Variants in TTLL6 observed in about 807,000 individuals in gnomAD.
The protein encoded by TTLL6 is tubulin polyglutamylase TTLL6.
A neutral mutation model predicts 96.4 loss-of-function variants in TTLL6; 75 were observed. The observed-to-expected ratio is 0.78, with a 90% confidence interval of 0.65 to 0.94. TTLL6 has a LOEUF of 0.94. Ranked by LOEUF, TTLL6 falls within the 40% of genes least tolerant of loss-of-function variation. TTLL6 has a pLI of 0.00. For missense variants in TTLL6, 1,030 were observed against 1,093.0 expected (o/e 0.94, Z 0.81); for synonymous variants, 411 against 419.4 (o/e 0.98, Z 0.24).
intron 8 of TTLL6, chr17:48,794,185 T>C (rs193259948): frequency 9.2e-5 from 149 of 1,613,874 alleles, no homozygotes; most frequent in Admixed American, 4.7e-4. Flanking sequence ...GAACAACACT[T>C]GAAGCCTTGC....
chr17:48,795,270 G>A (rs1044989641), intron 8 of TTLL6, among the ~76,000 whole-genome samples: 2 of 150,534 alleles, frequency 1.3e-5, no homozygotes, highest in Non-Finnish European at 2.9e-5. Context: ...AGGTTGCAGT[G>A]AGCCAAGATC....
At chr17:48,805,057 T>C in intron 1 of TTLL6, 66 bp from the exon 2 acceptor site, 2 of 1,293,508 alleles carry the variant, frequency 1.5e-6, no homozygotes, top group South Asian at 2.5e-5. Context: ...CCTCCCTCGC[T>C]CATGTGGGTA....
intron 11 of TTLL6, 43 bp downstream of exon 11, chr17:48,787,768 C>G: frequency 1.3e-6 from 2 of 1,574,044 alleles, no homozygotes; most frequent in Non-Finnish European, 1.7e-6. Context: ...CACACACAAT[C>G]CCCAGAACCC....
Position 48,801,536 on chromosome 17 carries a change from T to C in TTLL6, c.469A>G (p.Lys157Glu). The change falls in exon 4 of 16, where the codon AAA becomes GAA. Residue 157 changes from lysine (K) to glutamate (E), a missense_variant. Coordinates refer to ENST00000393382, the MANE Select transcript of TTLL6 (RefSeq NM_001130918.3). ...ACTAGCCCAAATACCTGGTAACTTT[T>C]CATTTCCATCACCCGCTCCAGTGAC... is the stretch of plus-strand genomic sequence containing the variant. Reference protein sequence around the residue: ...SVSLERVMEMKSYQKINHFPG... With the variant: ...SVSLERVMEMESYQKINHFPG... 1 of 1,552,024 alleles carries C rather than the reference T, an allele frequency of 6.4e-7. No homozygotes were observed. The highest frequency in any genetic ancestry group is 8.7e-7 in the Non-Finnish European group (1 of 1,147,040).
chr17:48,815,068 G>A (rs2039649853), intron 1 of TTLL6, among the ~76,000 whole-genome samples: 1 of 152,126 alleles, frequency 6.6e-6, no homozygotes, highest in Non-Finnish European at 1.5e-5. Flanking sequence ...ATGAGCCACC[G>A]CGCCCAGCAG....
At chr17:48,771,044 A>G (rs1197809642) in intron 13 of TTLL6, among the ~76,000 whole-genome samples, 3 of 152,318 alleles carry the variant, frequency 2.0e-5, no homozygotes, top group East Asian at 1.9e-4. Flanking sequence ...GACACCCACA[A>G]TCCACATGGT....
chr17:48,808,674 T>G (rs976541244), intron 1 of TTLL6, among the ~76,000 whole-genome samples: 1 of 152,150 alleles, frequency 6.6e-6, no homozygotes, highest in Non-Finnish European at 1.5e-5. Flanking sequence ...GTTCAAGCGA[T>G]TCTCCTGCCT....
chr17:48,786,239 C>T lies in TTLL6; in HGVS notation c.1686G>A (p.Val562=). The T allele has an allele frequency of 6.2e-7, 1 of 1,614,236 alleles. No individual in the cohort carries two copies. Among genetic ancestry groups the T allele is most frequent in the South Asian group, 1.1e-5 (1 of 91,084 alleles). ...EMQGESAGEQ[V]RKKGMRGWQQ... is the part of the protein sequence containing the mutation. ...GCCAGCCCCTCATGCCCTTCTTTCT[C>T]ACTTGCTCGCCTGCCGATTCCCCCT... The change falls in exon 12 of 16, where the codon GTG becomes GTA. Residue 562 remains valine (V), a synonymous_variant. Transcript: ENST00000393382.
chr17:48,762,953 T>C lies in TTLL6; in HGVS notation c.*21A>G. The C allele has an allele frequency of 4.4e-6, 2 of 456,040 alleles. No homozygotes were observed. The highest frequency in any genetic ancestry group is 3.1e-5 in the South Asian group (2 of 64,426). The allele number at this position is 456,040 out of a possible 1,614,324, so 28.2% of individuals were successfully genotyped here. ...AAGTTAAGAGGTAGGAAGGGAAAAG[T>C]GGCAGAGATCCAGTCTGATTCTGGA... On this transcript the variant is annotated 3_prime_UTR_variant, in exon 16 of 16. Coordinates refer to ENST00000393382, the MANE Select transcript of TTLL6 (RefSeq NM_001130918.3).
At position 48,817,228 on chromosome 17, in the gene TTLL6, C is replaced by A. The variant is rs2143521073; in HGVS notation, c.-156G>T. On this transcript the variant is annotated 5_prime_UTR_variant, in exon 1 of 16. Coordinates refer to ENST00000393382, the MANE Select transcript of TTLL6 (RefSeq NM_001130918.3). ...CCGAATCCAATTAACCGCCCAGGCG[C>A]TAGGGGAGGGGCGCGCCCACGGTTG... 3.7e-6 allele frequency: 2 copies of A among 543,570 alleles called. No individual in the cohort carries two copies. Among genetic ancestry groups the A allele is most frequent in the East Asian group, 6.9e-5 (2 of 28,872 alleles). 33.7% of individuals were successfully genotyped at this position (543,570 alleles called of 1,614,324 possible).
At chr17:48,794,834 C>T (rs145987806) in intron 8 of TTLL6, among the ~76,000 whole-genome samples, 19 of 152,256 alleles carry the variant, frequency 1.2e-4, no homozygotes, top group Non-Finnish European at 1.9e-4. Flanking sequence ...CCTGGTGCAG[C>T]GGAAAGAGAA....
intron 4 of TTLL6, 46 bp from the exon 5 acceptor site, chr17:48,801,431 T>G (rs1347008315): frequency 1.3e-6 from 2 of 1,550,706 alleles, no homozygotes; most frequent in African/African-American, 2.7e-5. Flanking sequence ...GACATGGGAG[T>G]ACTACAAGAT....
At chr17:48,784,026 C>A (rs1181184481) in intron 13 of TTLL6, among the ~76,000 whole-genome samples, 4 of 152,066 alleles carry the variant, frequency 2.6e-5, no homozygotes, top group Non-Finnish European at 5.9e-5. Context: ...GAGAGAGGGT[C>A]TTTGCAGTTA....
At chr17:48,782,259 C>A (rs1365409135) in intron 13 of TTLL6, among the ~76,000 whole-genome samples, 2 of 152,004 alleles carry the variant, frequency 1.3e-5, no homozygotes, top group African/African-American at 2.4e-5. Context: ...GCGCGCACCA[C>A]CACGCCTGGC....
At chr17:48,799,578 A>C (rs1037222245) in intron 6 of TTLL6, 26 bp downstream of exon 6, 21 of 1,547,240 alleles carry the variant, frequency 1.4e-5, no homozygotes, top group African/African-American at 4.1e-5. Flanking sequence ...GTGGGTGATA[A>C]ATAAATAATC....
intron 1 of TTLL6, among the ~76,000 whole-genome samples, chr17:48,808,584 T>G (rs2039538062): frequency 6.6e-6 from 1 of 152,198 alleles, no homozygotes; most frequent in Non-Finnish European, 1.5e-5. Context: ...TGTTTTGTTT[T>G]TTGAGATGGT....
Position 48,777,979 on chromosome 17 carries a change from G to C in TTLL6, c.2040+6944C>G, listed in dbSNP as rs1390590273. On this transcript the variant is annotated intron_variant, in intron 13 of 15. Coordinates refer to ENST00000393382, the MANE Select transcript of TTLL6 (RefSeq NM_001130918.3). ...ATGAAAATCTCTTAGATAGGATATA[G>C]AAAGCAACAACCATGCTGGGCGCCC... is the stretch of plus-strand genomic sequence containing the variant. Among the ~76,000 whole-genome samples, 5 of 151,762 alleles carry C rather than the reference G, an allele frequency of 3.3e-5. 1 individual carries two copies. The highest frequency in any genetic ancestry group is 3.3e-4 in the Admixed American group (5 of 15,238).
intron 13 of TTLL6, among the ~76,000 whole-genome samples, chr17:48,773,530 C>T (rs761169137): frequency 6.6e-6 from 1 of 151,742 alleles, no homozygotes; most frequent in Non-Finnish European, 1.5e-5. Flanking sequence ...GAGACCAGCC[C>T]GGCCAACATG....
chr17:48,804,091 G>C, intron 2 of TTLL6, 163 bp from the exon 3 acceptor site: 1 of 703,968 alleles, frequency 1.4e-6, no homozygotes, highest in Admixed American at 2.2e-5. Flanking sequence ...CGAGTCCAAG[G>C]GGGTACAGCA....
Sources: gnomAD v4.1 joint callset for allele counts (sites outside exome capture counted in the v4.1 genomes callset) on GRCh38, gnomAD v4.1.1 for gene constraint, MANE v1.5 for transcripts, NCBI Gene and HGNC (gene_info 2026-07-23, HGNC 2026-07-21) for gene names.